Variants in TKFC observed in about 807,000 individuals in gnomAD.
TKFC encodes triokinase and FMN cyclase, also known as triokinase/FMN cyclase.
A neutral mutation model predicts 61.0 loss-of-function variants in TKFC; 46 were observed. The ratio of observed to expected loss-of-function variants is 0.75; its 90% CI spans 0.60 to 0.96. The LOEUF is 0.96. Ranked by LOEUF, TKFC falls within the 50% of genes least tolerant of loss-of-function variation. The pLI is 0.00. For missense variants in TKFC, 715 were observed against 777.5 expected, an observed-to-expected ratio of 0.92 and a Z score of 0.96; for synonymous variants, 314 against 330.1, an observed-to-expected ratio of 0.95 and a Z score of 0.53.
Position 61,346,285 on chromosome 11 carries a change from C to T in TKFC, c.1576-66C>T. 6.2e-7 allele frequency: 1 copy of T among 1,605,670 alleles called. No homozygotes were observed. The highest frequency in any genetic ancestry group is 8.5e-7 in the Non-Finnish European group (1 of 1,179,558). On this transcript the variant is annotated intron_variant, in intron 17 of 17. Transcript: ENST00000394900. This position sits in a 1 kb window ranked among gnomAD's most constrained non-coding sequence, Gnocchi z 4.1. ...CAGGCTGCACGGCAGAGACGTTCTG[C>T]CCATGGCAGGAAGGAGGCGGCCTGG... is the stretch of plus-strand genomic sequence containing the variant.
At chr11:61,350,228 C>G (rs1386788278), downstream of TKFC, 1 of 807,060 alleles carries the variant, frequency 1.2e-6, no homozygotes, top group Admixed American at 2.8e-5. Context: ...GGAAAGCAGA[C>G]AGGCAGCAAG....
Position 61,346,190 on chromosome 11 carries a change from T to G in TKFC, c.1576-161T>G. On this transcript the variant is annotated intron_variant, in intron 17 of 17. Transcript: ENST00000394900. The surrounding 1 kb of genome is among the most constrained non-coding windows in gnomAD (Gnocchi z 4.1). ...GACCCTTTTCCCTGCTGGAAGTAGA[T>G]GAGAAGTGACTTTCCATTTGGTGAC... 1.1e-5 allele frequency: 16 copies of G among 1,493,998 alleles called. No homozygotes were observed. Among genetic ancestry groups the G allele is most frequent in the Non-Finnish European group, 1.3e-5 (15 of 1,121,674 alleles). 92.5% of individuals were successfully genotyped at this position (1,493,998 alleles called of 1,614,324 possible). A position where few individuals can be genotyped will look rare whatever the true frequency, so the allele number is the denominator to read the frequency against.
intron 2 of TKFC, among the ~76,000 whole-genome samples, chr11:61,337,334 T>C (rs529283422): frequency 6.6e-6 from 1 of 152,252 alleles, no homozygotes; most frequent in East Asian, 1.9e-4. Context: ...TTTGTAGAGA[T>C]GGAGTCTCAT....
intron 5 of TKFC, among the ~76,000 whole-genome samples, chr11:61,340,006 T>A (rs1209013903): frequency 4.6e-5 from 7 of 151,782 alleles, no homozygotes; most frequent in South Asian, 4.2e-4. Context: ...TTTATTTATT[T>A]TTTATTTATT....
intron 1 of TKFC, chr11:61,334,173 G>A (rs28720240): frequency 9.8e-4 from 151 of 153,988 alleles, no homozygotes; most frequent in Non-Finnish European, 1.7e-3. Context: ...TATTACCTTG[G>A]ACAAGTCCCT....
At chr11:61,334,543 C>T (rs1288675645) in intron 1 of TKFC, 77 bp from the exon 2 acceptor site, 1 of 671,846 alleles carries the variant, frequency 1.5e-6, no homozygotes, top group African/African-American at 1.8e-5. Flanking sequence ...TCCCTAATTA[C>T]TAGGGTGCTG....
At chr11:61,342,242 C>T in intron 7 of TKFC, 1 of 640,868 alleles carries the variant, frequency 1.6e-6, no homozygotes, top group East Asian at 2.7e-5. Context: ...CTTTCCTCGC[C>T]TGTGCTTCCT....
At chr11:61,349,633 T>C (rs1857303008), downstream of TKFC, 1 of 702,830 alleles carries the variant, frequency 1.4e-6, no homozygotes, top group African/African-American at 1.7e-5. Context: ...AGGCCTCAGC[T>C]GTAGCAGCAG....
chr11:61,350,632 G>C (rs1488026000), downstream of TKFC: 3 of 631,622 alleles, frequency 4.7e-6, no homozygotes, highest in African/African-American at 3.7e-5. Context: ...CTGGTCACCA[G>C]GCACCCATCC....
At chr11:61,350,868 A>T, downstream of TKFC, 1 of 1,399,506 alleles carries the variant, frequency 7.1e-7, no homozygotes, top group Non-Finnish European at 9.5e-7. Flanking sequence ...TCCACCCTCA[A>T]GTTACTTGGT....
rs1194159787 is a variant in TKFC at position 61,339,059 on chromosome 11, C to T, written c.194-7C>T. 2.5e-6 allele frequency: 4 copies of T among 1,611,254 alleles called. No homozygotes were observed. Among genetic ancestry groups the T allele is most frequent in the East Asian group, 4.5e-5 (2 of 44,856 alleles). ...CAGCATGCTCACTCCACTCCTTCCA[C>T]CTCCAGGTTTCATAGGGAAGGGGAT... On this transcript the variant is annotated splice_polypyrimidine_tract_variant and splice_region_variant and intron_variant, in intron 3 of 17. Coordinates refer to ENST00000394900, the MANE Select transcript of TKFC (RefSeq NM_015533.4).
chr11:61,346,199 A>G lies in TKFC; in HGVS notation c.1576-152A>G. The stretch of plus-strand genomic sequence containing the variant: ...CCCTGCTGGAAGTAGATGAGAAGTG[A>G]CTTTCCATTTGGTGACAGAGCAGAG... On this transcript the variant is annotated intron_variant, in intron 17 of 17. Coordinates refer to ENST00000394900, the MANE Select transcript of TKFC (RefSeq NM_015533.4). The surrounding 1 kb of genome is among the most constrained non-coding windows in gnomAD (Gnocchi z 4.1). 4.0e-6 allele frequency: 6 copies of G among 1,510,968 alleles called. No individual in the cohort carries two copies. The highest frequency in any genetic ancestry group is 5.3e-6 in the Non-Finnish European group (6 of 1,134,118). 93.6% of individuals were successfully genotyped at this position (1,510,968 alleles called of 1,614,324 possible).
chr11:61,334,445 G>A (rs112093410), intron 1 of TKFC, 175 bp from the exon 2 acceptor site: 84 of 442,404 alleles, frequency 1.9e-4, no homozygotes, highest in African/African-American at 1.6e-3. Context: ...GCAGTGAAGT[G>A]CAGGCATGAA....
chr11:61,349,440 A>G (rs531580893), downstream of TKFC: 127 of 665,686 alleles, frequency 1.9e-4, no homozygotes, highest in Non-Finnish European at 9.4e-5. Context: ...AGACCTGCCC[A>G]GCGGGAGGCA....
rs893796330 is a variant in TKFC at position 61,347,931 on chromosome 11, C to G, written c.*1428C>G. 5 of 985,234 alleles carry G rather than the reference C, an allele frequency of 5.1e-6. 1 individual carries two copies. The highest frequency in any genetic ancestry group is 6.0e-6 in the Non-Finnish European group (5 of 829,878). 61.0% of individuals were successfully genotyped at this position (985,234 alleles called of 1,614,324 possible). A position where few individuals can be genotyped will look rare whatever the true frequency, so the allele number is the denominator to read the frequency against. On this transcript the variant is annotated 3_prime_UTR_variant, in exon 18 of 18. Transcript: ENST00000394900. ...TTATCACAGGGGTTGGGCCCCCAGCCCCTCCCAGGTCATCTGCTCTACCAC... is the reference window on the plus strand; with the variant it reads ...TTATCACAGGGGTTGGGCCCCCAGCGCCTCCCAGGTCATCTGCTCTACCAC...
At chr11:61,352,998 G>C (rs1565067166), downstream of TKFC, 5 of 1,614,148 alleles carry the variant, frequency 3.1e-6, no homozygotes, top group Non-Finnish European at 3.4e-6. Flanking sequence ...CTGAAGAAAA[G>C]CTTCTCATTA....
downstream of TKFC, chr11:61,351,194 A>G: frequency 2.6e-6 from 4 of 1,542,064 alleles, no homozygotes; most frequent in Non-Finnish European, 3.5e-6. Flanking sequence ...TTTTCCACCT[A>G]TTTTTGTCTA....
chr11:61,351,284 CTTTTTTTTTTTTT>C, downstream of TKFC: 3 of 292,110 alleles, frequency 1.0e-5, no homozygotes, highest in Non-Finnish European at 1.7e-5. Context: ...AACACCCTTT[CTTTTTTTTTTTTT>C]TTTTTTTTTT....
At position 61,347,652 on chromosome 11, in the gene TKFC, A is replaced by G. The variant is rs1209914590; in HGVS notation, c.*1149A>G. 1 of 985,324 alleles carries G rather than the reference A, an allele frequency of 1.0e-6. No homozygotes were observed. Among genetic ancestry groups the G allele is most frequent in the Non-Finnish European group, 1.2e-6 (1 of 829,956 alleles). 61.0% of individuals were successfully genotyped at this position (985,324 alleles called of 1,614,324 possible). On this transcript the variant is annotated 3_prime_UTR_variant, in exon 18 of 18. Coordinates refer to ENST00000394900, the MANE Select transcript of TKFC (RefSeq NM_015533.4). ...AGGGGCACTGTATGCATGTGGAGACAAACAGCACATGCCTGGCACACATGT... is the reference window on the plus strand; with the variant it reads ...AGGGGCACTGTATGCATGTGGAGACGAACAGCACATGCCTGGCACACATGT...
Sources: gnomAD v4.1 joint callset for allele counts (sites outside exome capture counted in the v4.1 genomes callset) on GRCh38, gnomAD v4.1.1 for gene constraint, Gnocchi (gnomAD v3.1) non-coding constraint, MANE v1.5 for transcripts, NCBI Gene and HGNC (gene_info 2026-07-23, HGNC 2026-07-21) for gene names.